PCDH7: variants seen among roughly 807,000 people sequenced by gnomAD.
PCDH7 encodes protocadherin 7, also known as protocadherin-7.
Under a neutral mutation model 58.9 loss-of-function variants are expected in PCDH7, and 17 were observed. The observed-to-expected ratio is 0.29, with a 90% confidence interval of 0.20 to 0.43. The LOEUF (loss-of-function observed/expected upper bound fraction) is 0.43, where lower values mean the gene tolerates loss of function less well. Ranked by LOEUF, PCDH7 falls within the 20% of genes least tolerant of loss-of-function variation. The pLI is 1.00. For missense variants in PCDH7, 1,274 were observed against 1,441.0 expected, an observed-to-expected ratio of 0.88 and a Z score of 1.88; for synonymous variants, 664 against 616.4, an observed-to-expected ratio of 1.08 and a Z score of -1.14.
chr4:30,862,592 T>A (rs1274498200), intron 1 of PCDH7, among the ~76,000 whole-genome samples: 1 of 152,198 alleles, frequency 6.6e-6, no homozygotes, highest in Non-Finnish European at 1.5e-5. Flanking sequence ...TTTACCAAGA[T>A]AATATCTTAT....
At chr4:31,002,710 G>A (rs1164311495) in intron 3 of PCDH7, among the ~76,000 whole-genome samples, 3 of 152,160 alleles carry the variant, frequency 2.0e-5, no homozygotes, top group African/African-American at 7.2e-5. Context: ...ATTATTGCTT[G>A]AGGTATTCTA....
At position 31,134,642 on chromosome 4, in the gene PCDH7, G is replaced by C. The variant is rs543954031; in HGVS notation, c.*8-7831G>C. ...CAAACAAACACACAAACATAACTTAGTGGCTTCAAACAACAAAGATCAATT... is the reference window on the plus strand; with the variant it reads ...CAAACAAACACACAAACATAACTTACTGGCTTCAAACAACAAAGATCAATT... On this transcript the variant is annotated intron_variant, in intron 3 of 3. Coordinates refer to the PCDH7 transcript ENST00000509759. Among the ~76,000 whole-genome samples the C allele has an allele frequency of 2.8e-4, 42 of 152,234 alleles. 1 individual carries two copies. In the South Asian group the frequency reaches 8.5e-3, roughly 31 times the overall value.
intron 1 of PCDH7, among the ~76,000 whole-genome samples, chr4:30,829,570 A>T (rs902927572): frequency 1.3e-5 from 2 of 152,034 alleles, no homozygotes; most frequent in Admixed American, 1.3e-4. Flanking sequence ...AACAGCCTGA[A>T]CCCACAGATG....
chr4:30,992,111 G>C (rs1751510869), intron 3 of PCDH7, among the ~76,000 whole-genome samples: 1 of 152,158 alleles, frequency 6.6e-6, no homozygotes, highest in African/African-American at 2.4e-5. Flanking sequence ...ATAATGCTTT[G>C]TACATGGTAG....
At chr4:30,764,106 G>T (rs1560344932) in intron 1 of PCDH7, among the ~76,000 whole-genome samples, 1 of 152,194 alleles carries the variant, frequency 6.6e-6, no homozygotes, top group East Asian at 1.9e-4. Flanking sequence ...AATCTTTCAG[G>T]CATTAGTAAG....
At chr4:31,063,763 T>C (rs1408545189) in intron 3 of PCDH7, among the ~76,000 whole-genome samples, 1 of 151,930 alleles carries the variant, frequency 6.6e-6, no homozygotes, top group Non-Finnish European at 1.5e-5. Context: ...GTCTCTAAGA[T>C]TGAATGAACA....
At position 30,893,376 on chromosome 4, in the gene PCDH7, G is replaced by A. The variant is rs193185272; in HGVS notation, c.71-26777G>A. 3.3e-3 allele frequency among the ~76,000 whole-genome samples: 495 copies of A among 152,168 alleles called. 1 individual carries two copies. Among genetic ancestry groups the A allele is most frequent in the Non-Finnish European group, 5.2e-3 (351 of 67,952 alleles). ...ACATTCCTCTCTCCTGAGAAGAGAA[G>A]TTACAGAACTATATATATGGTGAAA... On this transcript the variant is annotated intron_variant, in intron 1 of 3. Coordinates refer to the PCDH7 transcript ENST00000509759.
intron 3 of PCDH7, among the ~76,000 whole-genome samples, chr4:31,136,163 A>C (rs576253111): frequency 9.2e-5 from 14 of 152,296 alleles, no homozygotes; most frequent in African/African-American, 3.1e-4. Context: ...TTCCTGGAAG[A>C]CTTCAGAGAG....
At chr4:30,770,472 G>T (rs1401457605) in intron 1 of PCDH7, among the ~76,000 whole-genome samples, 1 of 152,142 alleles carries the variant, frequency 6.6e-6, no homozygotes, top group Non-Finnish European at 1.5e-5. Flanking sequence ...AACTGTTTGG[G>T]GTGAAGTAAA....
At chr4:30,887,043 G>A (rs1360735311) in intron 1 of PCDH7, among the ~76,000 whole-genome samples, 5 of 150,300 alleles carry the variant, frequency 3.3e-5, no homozygotes, top group Admixed American at 6.6e-5. Context: ...TGACGAGTTA[G>A]TGGGTGCAGC....
At chr4:31,033,813 G>C (rs1755157287) in intron 3 of PCDH7, among the ~76,000 whole-genome samples, 1 of 151,980 alleles carries the variant, frequency 6.6e-6, no homozygotes, top group South Asian at 2.1e-4. Context: ...AACTATCTAG[G>C]CTGGGTGTGG....
intron 3 of PCDH7, among the ~76,000 whole-genome samples, chr4:31,005,937 A>G (rs948230688): frequency 1.3e-5 from 2 of 152,188 alleles, no homozygotes; most frequent in Non-Finnish European, 1.5e-5. Flanking sequence ...CAACTTCATC[A>G]CTTACTAGCA....
At chr4:30,879,125 A>G (rs1218951361) in intron 1 of PCDH7, among the ~76,000 whole-genome samples, 1 of 151,990 alleles carries the variant, frequency 6.6e-6, no homozygotes, top group East Asian at 1.9e-4. Context: ...GGAAATAATC[A>G]GTTAATATAA....
chr4:31,026,523 C>T (rs1358675980), intron 3 of PCDH7, among the ~76,000 whole-genome samples: 2 of 152,184 alleles, frequency 1.3e-5, no homozygotes, highest in South Asian at 2.1e-4. Flanking sequence ...CAGATATTGT[C>T]TGCAGCATAA....
At chr4:30,836,795 CAA>C (rs1009676740) in intron 1 of PCDH7, among the ~76,000 whole-genome samples, 1 of 152,048 alleles carries the variant, frequency 6.6e-6, no homozygotes, top group African/African-American at 2.4e-5. Flanking sequence ...ATTTCCAACA[CAA>C]GAGATGAAAA....
At chr4:30,902,335 A>G (rs572247255) in intron 1 of PCDH7, among the ~76,000 whole-genome samples, 1 of 152,246 alleles carries the variant, frequency 6.6e-6, no homozygotes, top group African/African-American at 2.4e-5. Flanking sequence ...GAGTGCAGGT[A>G]ATAAATGTCA....
intron 3 of PCDH7, among the ~76,000 whole-genome samples, chr4:30,995,542 AG>A (rs1232628320): frequency 1.3e-5 from 2 of 151,798 alleles, no homozygotes; most frequent in Admixed American, 6.6e-5. Context: ...TGAACGAGGA[AG>A]GGTGTGTTTA....
At chr4:30,949,889 C>T (rs1560527674) in intron 2 of PCDH7, among the ~76,000 whole-genome samples, 1 of 138,142 alleles carries the variant, frequency 7.2e-6, no homozygotes, top group Admixed American at 7.6e-5. Flanking sequence ...TAGCAGCCAA[C>T]TGGGTCCCTG....
intron 1 of PCDH7, among the ~76,000 whole-genome samples, chr4:30,808,568 A>T (rs963812573): frequency 6.6e-6 from 1 of 152,048 alleles, no homozygotes; most frequent in Non-Finnish European, 1.5e-5. Flanking sequence ...CTCAACATTC[A>T]TCCTCCCTTC....
Sources: gnomAD v4.1 joint callset for allele counts (sites outside exome capture counted in the v4.1 genomes callset) on GRCh38, gnomAD v4.1.1 for gene constraint, MANE v1.5 for transcripts, NCBI Gene and HGNC (gene_info 2026-07-23, HGNC 2026-07-21) for gene names.